The following COL28A1 variants were observed in gnomAD, a reference collection of about 807,000 sequenced individuals.
COL28A1 encodes the protein collagen alpha-1(XXVIII) chain.
Under a neutral mutation model 150.2 loss-of-function variants are expected in COL28A1, and 161 were observed. The ratio of observed to expected loss-of-function variants is 1.07; its 90% CI spans 0.94 to 1.22. The LOEUF (loss-of-function observed/expected upper bound fraction) is 1.22, where lower values mean the gene tolerates loss of function less well. Ranked by LOEUF, COL28A1 falls within the 50% of genes most tolerant of loss-of-function variation. The pLI, the probability that COL28A1 is intolerant of heterozygous loss-of-function variation, is 0.00. For missense variants in COL28A1, 1,617 were observed against 1,388.3 expected (o/e 1.16, Z -2.62); for synonymous variants, 552 against 469.7 (o/e 1.18, Z -2.26).
upstream of COL28A1, among the ~76,000 whole-genome samples, chr7:7,537,063 A>G (rs1782669496): frequency 6.6e-6 from 1 of 152,224 alleles, no homozygotes; most frequent in Non-Finnish European, 1.5e-5. Flanking sequence ...AAACACCTCT[A>G]ATAATAAACA....
chr7:7,523,212 T>C (rs1369692970), intron 4 of COL28A1, among the ~76,000 whole-genome samples: 2 of 150,898 alleles, frequency 1.3e-5, no homozygotes, highest in Non-Finnish European at 2.9e-5. Context: ...CAGGCTGGAA[T>C]GCAGCAGCAA....
chr7:7,363,147 GC>G (rs1780756827), intron 33 of COL28A1, among the ~76,000 whole-genome samples: 2 of 152,128 alleles, frequency 1.3e-5, no homozygotes, highest in Non-Finnish European at 2.9e-5. Flanking sequence ...AAACATAAAA[GC>G]CAACTGACAT....
At chr7:7,380,542 C>A in intron 30 of COL28A1, 118 bp downstream of exon 30, 2 of 838,804 alleles carry the variant, frequency 2.4e-6, no homozygotes, top group African/African-American at 1.7e-5. Context: ...TAGTTGATCT[C>A]ATTTAAATAG....
chr7:7,498,613 TA>T (rs1780347003), intron 11 of COL28A1, among the ~76,000 whole-genome samples: 1 of 152,194 alleles, frequency 6.6e-6, no homozygotes, highest in African/African-American at 2.4e-5. Flanking sequence ...GTTCAAATAA[TA>T]AATATTATGT....
chr7:7,499,244 G>A (rs112624129), intron 11 of COL28A1, among the ~76,000 whole-genome samples: 12 of 152,136 alleles, frequency 7.9e-5, no homozygotes, highest in African/African-American at 2.9e-4. Context: ...ATCGTTTGGC[G>A]GCTTGGCTAT....
intron 3 of COL28A1, among the ~76,000 whole-genome samples, chr7:7,526,322 G>A (rs750759664): frequency 1.6e-5 from 2 of 121,370 alleles, no homozygotes; most frequent in Admixed American, 8.0e-5. Flanking sequence ...AATACTACTC[G>A]GCAGTTAAAG....
chr7:7,501,962 C>A (rs750750564), intron 11 of COL28A1, among the ~76,000 whole-genome samples: 12 of 152,088 alleles, frequency 7.9e-5, no homozygotes, highest in Non-Finnish European at 1.6e-4. Context: ...GTGGTGCAAT[C>A]TTGGCTCACA....
chr7:7,432,409 C>T, intron 25 of COL28A1, 64 bp downstream of exon 25: 1 of 1,379,396 alleles, frequency 7.2e-7, no homozygotes. Flanking sequence ...TTTATTTTTA[C>T]CAAAGTCACC....
chr7:7,501,416 A>T (rs1435215748), intron 11 of COL28A1, among the ~76,000 whole-genome samples: 1 of 152,144 alleles, frequency 6.6e-6, no homozygotes, highest in Non-Finnish European at 1.5e-5. Context: ...TCGAAATGTC[A>T]CCAGCTGCTT....
At chr7:7,338,617 A>T in the COL28A1 span, among the ~76,000 whole-genome samples, 2 of 152,072 alleles carry the variant, frequency 1.3e-5, no homozygotes, top group East Asian at 3.9e-4. Flanking sequence ...GTTTCTAGGT[A>T]TCATATCTCA....
chr7:7,363,750 T>G (rs1351382507), intron 33 of COL28A1, among the ~76,000 whole-genome samples: 2 of 152,116 alleles, frequency 1.3e-5, no homozygotes, highest in African/African-American at 4.8e-5. Flanking sequence ...TTAAAAAATA[T>G]ACTATATTAT....
At chr7:7,515,883 G>C (rs769347539) in intron 7 of COL28A1, 43 bp from the exon 8 acceptor site, 1 of 842,504 alleles carries the variant, frequency 1.2e-6, no homozygotes, top group South Asian at 1.4e-5. Flanking sequence ...GATACTCTGA[G>C]GCAGAATTAG....
chr7:7,504,685 C>T (rs1190114822), intron 11 of COL28A1, among the ~76,000 whole-genome samples: 2 of 152,182 alleles, frequency 1.3e-5, no homozygotes, highest in East Asian at 1.9e-4. Context: ...GGGACTCTGC[C>T]TCAGGCAAGC....
At chr7:7,443,802 G>T in intron 19 of COL28A1, 149 bp from the exon 20 acceptor site, 3 of 1,228,502 alleles carry the variant, frequency 2.4e-6, no homozygotes, top group Non-Finnish European at 3.2e-6. Flanking sequence ...AATCAATTTG[G>T]AAGTTTATAA....
At chr7:7,526,385 G>A in intron 3 of COL28A1, among the ~76,000 whole-genome samples, 1 of 152,190 alleles carries the variant, frequency 6.6e-6, no homozygotes, top group East Asian at 1.9e-4. Flanking sequence ...AACATTGAGT[G>A]CAAAAGCAAG....
chr7:7,489,468 G>A lies in COL28A1; in HGVS notation c.1096-11C>T, dbSNP rs771773182. On this transcript the variant is annotated splice_polypyrimidine_tract_variant and intron_variant, in intron 12 of 34. Coordinates refer to ENST00000399429, the MANE Select transcript of COL28A1 (RefSeq NM_001037763.3). ...TTGGCCTCTTTCTCCCTAAGAGAAA[G>A]AAATAATAGAATGAAAGCTTGAGAT... The A allele has an allele frequency of 8.9e-7, 1 of 1,127,074 alleles. No individual in the cohort carries two copies. The highest frequency in any genetic ancestry group is 1.5e-5 in the African/African-American group (1 of 65,918). 69.8% of individuals were successfully genotyped at this position (1,127,074 alleles called of 1,614,324 possible). A position where few individuals can be genotyped will look rare whatever the true frequency, so the allele number is the denominator to read the frequency against.
At chr7:7,396,981 C>T (rs950888715) in intron 27 of COL28A1, among the ~76,000 whole-genome samples, 5 of 152,132 alleles carry the variant, frequency 3.3e-5, no homozygotes, top group East Asian at 1.9e-4. Flanking sequence ...GTTTTCAGAA[C>T]GGCTCCCATG....
intron 27 of COL28A1, 68 bp downstream of exon 27, chr7:7,417,791 C>G (rs1485113490): frequency 2.4e-5 from 33 of 1,377,534 alleles, no homozygotes; most frequent in Non-Finnish European, 3.1e-5. Flanking sequence ...TTTGCGTTAT[C>G]TACAACCTCT....
intron 25 of COL28A1, among the ~76,000 whole-genome samples, chr7:7,422,203 A>C (rs1449479557): frequency 6.6e-6 from 1 of 152,194 alleles, no homozygotes; most frequent in Non-Finnish European, 1.5e-5. Context: ...AATCTTACCC[A>C]AAATCATCGA....
Sources: gnomAD v4.1 joint callset for allele counts (sites outside exome capture counted in the v4.1 genomes callset) on GRCh38, gnomAD v4.1.1 for gene constraint, MANE v1.5 for transcripts, NCBI Gene and HGNC (gene_info 2026-07-23, HGNC 2026-07-21) for gene names.